Variants in VPS13B observed in about 807,000 individuals in gnomAD.
VPS13B encodes intermembrane lipid transfer protein VPS13B.
In VPS13B, 285 loss-of-function variants were observed where a neutral mutation model predicts 426.4. The observed-to-expected ratio is 0.67, with a 90% CI of 0.61 to 0.74. The LOEUF (loss-of-function observed/expected upper bound fraction) is 0.74. Ranked by LOEUF, VPS13B falls within the 30% of genes least tolerant of loss-of-function variation. The pLI is 0.00. For synonymous variants in VPS13B, 1,676 were observed against 1,676.4 expected (o/e 1.00, Z 0.01); for missense variants, 4,537 against 4,782.6 (o/e 0.95, Z 1.51).
chr8:99,393,432 C>T (rs1028179844), intron 21 of VPS13B, among the ~76,000 whole-genome samples: 5 of 151,932 alleles, frequency 3.3e-5, no homozygotes, highest in African/African-American at 1.2e-4. Flanking sequence ...AATATGAAAA[C>T]ATAAACAACA....
chr8:99,524,550 G>A (rs1278616767), intron 30 of VPS13B, among the ~76,000 whole-genome samples: 2 of 152,146 alleles, frequency 1.3e-5, no homozygotes, highest in Non-Finnish European at 2.9e-5. Context: ...CCAACCCTTT[G>A]GAAAGCTTTA....
At chr8:99,227,496 A>G (rs1160562854) in intron 17 of VPS13B, among the ~76,000 whole-genome samples, 11 of 152,136 alleles carry the variant, frequency 7.2e-5, no homozygotes. Context: ...CTTTTTCCAT[A>G]TTAACATTTT....
chr8:99,848,844 C>G lies in VPS13B; in HGVS notation c.10011C>G (p.Ile3337Met), dbSNP rs542986432. The G allele has an allele frequency of 5.5e-5, 89 of 1,614,142 alleles. 2 individuals are homozygous for G. In the South Asian group the frequency reaches 9.2e-4, roughly 17 times the overall value. Residue 3337 changes from isoleucine (I) to methionine (M), a missense_variant, in exon 55 of 62, where the codon ATC (isoleucine) becomes ATG (methionine). Physicochemically the swap from Ile to Met is conservative, Grantham distance 10. This residue lies in a region of VPS13B where 4,311 missense variants were observed against 4,474.3 expected (regional missense o/e 0.96). Coordinates refer to ENST00000357162, the MANE Select transcript of VPS13B (RefSeq NM_152564.5). ...TACATCAGTGTGGCACAGTCTTCATCACTGTGGCCCCAGAAGGAAAAGCAG... is the reference window on the plus strand; with the variant it reads ...TACATCAGTGTGGCACAGTCTTCATGACTGTGGCCCCAGAAGGAAAAGCAG... ...DVVHQCGTVF[I>M]TVAPEGKAGP...
At chr8:99,280,322 A>G (rs147039715) in intron 19 of VPS13B, among the ~76,000 whole-genome samples, 4,894 of 147,394 alleles carry the variant, frequency 0.033, 106 homozygotes, top group Middle Eastern at 0.069. Context: ...CCTTTTCCCT[A>G]CTCCCTCCCA....
chr8:99,277,129 T>A (rs1367771774), intron 19 of VPS13B, among the ~76,000 whole-genome samples: 2 of 152,078 alleles, frequency 1.3e-5, no homozygotes. Flanking sequence ...AAGTTTTAAT[T>A]TTTTCTTGCT....
intron 3 of VPS13B, among the ~76,000 whole-genome samples, chr8:99,066,521 T>A (rs1481528648): frequency 8.5e-5 from 13 of 152,244 alleles, no homozygotes; most frequent in South Asian, 8.3e-4. Context: ...TTAAAGACTT[T>A]AATGTTAGAC....
chr8:99,530,172 C>T (rs532163093), intron 30 of VPS13B, among the ~76,000 whole-genome samples: 2 of 152,154 alleles, frequency 1.3e-5, no homozygotes, highest in Non-Finnish European at 1.5e-5. Context: ...CCTTAAGAAT[C>T]GCATCTATTT....
At position 99,670,495 on chromosome 8, in the gene VPS13B, A is replaced by G. The variant is rs529696069; in HGVS notation, c.6046+9004A>G. On this transcript the variant is annotated intron_variant, in intron 35 of 61. Transcript: ENST00000357162. ...AACTTTTTATTTGTGGTGAGAACCC[A>G]TAAGATCTCCTCTTTTACCAAGTTG... Among the ~76,000 whole-genome samples, 4 of 152,240 alleles carry G rather than the reference A, an allele frequency of 2.6e-5. No individual in the cohort carries two copies. The South Asian group carries it at 8.3e-4, about 32-fold the overall frequency.
intron 2 of VPS13B, among the ~76,000 whole-genome samples, chr8:99,028,984 G>A (rs2132181866): frequency 6.6e-6 from 1 of 150,908 alleles, no homozygotes; most frequent in South Asian, 2.1e-4. Flanking sequence ...TCTCAGACGG[G>A]GCGGCTGCCG....
At chr8:99,236,910 G>A (rs760482864) in intron 17 of VPS13B, among the ~76,000 whole-genome samples, 13 of 152,182 alleles carry the variant, frequency 8.5e-5, no homozygotes, top group African/African-American at 1.7e-4. Context: ...ATAGGGTTTA[G>A]CTGTGTCCCC....
At chr8:99,462,165 T>TCTCC (rs749272314) in intron 23 of VPS13B, among the ~76,000 whole-genome samples, 123 of 148,940 alleles carry the variant, frequency 8.3e-4, no homozygotes, top group Middle Eastern at 3.4e-3. Flanking sequence ...TCCCTCCCTT[T>TCTCC]CTCCCTCCCT....
chr8:99,585,220 T>A (rs1826246337), intron 33 of VPS13B, among the ~76,000 whole-genome samples: 1 of 152,114 alleles, frequency 6.6e-6, no homozygotes, highest in South Asian at 2.1e-4. Flanking sequence ...AGGGAAATAA[T>A]GGAAGATACA....
chr8:99,558,039 C>G (rs1824685574), intron 31 of VPS13B, among the ~76,000 whole-genome samples: 1 of 151,992 alleles, frequency 6.6e-6, no homozygotes, highest in East Asian at 1.9e-4. Context: ...CATTGTATGC[C>G]TTTTGCAATT....
At chr8:99,696,916 A>G in intron 35 of VPS13B, 1 of 731,620 alleles carries the variant, frequency 1.4e-6, no homozygotes, top group South Asian at 1.4e-5. Flanking sequence ...ACTGCGCTCC[A>G]TAAAGGCCAA....
At chr8:99,765,788 T>TA (rs1202152683) in intron 39 of VPS13B, among the ~76,000 whole-genome samples, 1 of 152,264 alleles carries the variant, frequency 6.6e-6, no homozygotes, top group African/African-American at 2.4e-5. Flanking sequence ...CATCAAATGT[T>TA]ACCTGTCTTA....
chr8:99,240,382 G>A (rs1269566649), intron 17 of VPS13B, among the ~76,000 whole-genome samples: 1 of 152,124 alleles, frequency 6.6e-6, no homozygotes, highest in Admixed American at 6.5e-5. Flanking sequence ...TATTTTAATA[G>A]TATTTCCTTA....
At chr8:99,786,368 T>C (rs1440356728) in intron 43 of VPS13B, among the ~76,000 whole-genome samples, 1 of 152,194 alleles carries the variant, frequency 6.6e-6, no homozygotes, top group East Asian at 1.9e-4. Context: ...GTGGCAGAAT[T>C]AGGACTGAAT....
intron 39 of VPS13B, 83 bp downstream of exon 39, chr8:99,721,130 T>A (rs1833112619): frequency 7.3e-7 from 1 of 1,365,448 alleles, no homozygotes; most frequent in South Asian, 1.2e-5. Context: ...TGGAACATAC[T>A]TACTTCTTAC....
chr8:99,027,859 C>T, intron 2 of VPS13B, among the ~76,000 whole-genome samples: 1 of 151,720 alleles, frequency 6.6e-6, no homozygotes, highest in Middle Eastern at 3.2e-3. Flanking sequence ...GAACAAAGGT[C>T]TCTGGTTTTC....
Sources: allele counts gnomAD v4.1 joint callset (sites outside exome capture counted in the v4.1 genomes callset), GRCh38; gene constraint gnomAD v4.1.1; regional missense constraint gnomAD v4.1.1; transcripts MANE v1.5; gene names NCBI Gene and HGNC (gene_info 2026-07-23, HGNC 2026-07-21).